The following THRB variants were observed in gnomAD, a reference collection of about 807,000 sequenced individuals.
THRB encodes nuclear receptor subfamily 1 group A member 2.
THRB carries 12 observed loss-of-function variants against 47.8 expected under a neutral mutation model. The ratio of observed to expected loss-of-function variants is 0.25; its 90% CI spans 0.16 to 0.41. The LOEUF is 0.41. Among genes scored for constraint, THRB ranks in the 10% least tolerant of loss-of-function variants. The pLI is 1.00. For synonymous variants in THRB, 218 were observed against 212.2 expected (o/e 1.03, Z -0.24); for missense variants, 348 against 589.2 (o/e 0.59, Z 4.24).
chr3:24,229,804 T>C (rs969300431), intron 3 of THRB, among the ~76,000 whole-genome samples: 2 of 152,234 alleles, frequency 1.3e-5, no homozygotes, highest in Non-Finnish European at 2.9e-5. Flanking sequence ...GAGTGTGTTC[T>C]GTGGCCAGTG....
chr3:24,291,579 T>C (rs1337608905), intron 3 of THRB, among the ~76,000 whole-genome samples: 1 of 152,206 alleles, frequency 6.6e-6, no homozygotes, highest in Non-Finnish European at 1.5e-5. Flanking sequence ...GCAATGTAAA[T>C]GCTATGTAAA....
intron 1 of THRB, among the ~76,000 whole-genome samples, chr3:24,461,769 T>C (rs565741750): frequency 1.3e-5 from 2 of 152,318 alleles, no homozygotes; most frequent in East Asian, 3.9e-4. Context: ...TCATACAGCA[T>C]GCAAAAATAA....
At chr3:24,324,775 T>A (rs937191145) in intron 2 of THRB, among the ~76,000 whole-genome samples, 1 of 152,190 alleles carries the variant, frequency 6.6e-6, no homozygotes, top group Non-Finnish European at 1.5e-5. Context: ...GTCCATGTAA[T>A]CTGTTGGTTG....
At chr3:24,134,492 C>A (rs1183288873) in intron 8 of THRB, among the ~76,000 whole-genome samples, 1 of 152,132 alleles carries the variant, frequency 6.6e-6, no homozygotes, top group African/African-American at 2.4e-5. Context: ...CATTCAAATC[C>A]TGATTCGCAG....
intron 2 of THRB, among the ~76,000 whole-genome samples, chr3:24,308,339 A>C (rs1346162725): frequency 6.6e-6 from 1 of 152,222 alleles, no homozygotes; most frequent in African/African-American, 2.4e-5. Flanking sequence ...AATTCTATGA[A>C]AGAATTAGGG....
chr3:24,214,982 A>G (rs2046415508), intron 4 of THRB, among the ~76,000 whole-genome samples: 1 of 152,254 alleles, frequency 6.6e-6, no homozygotes, highest in Admixed American at 6.5e-5. Context: ...AACAGGAACA[A>G]TGGAAACATT....
At chr3:24,224,109 AG>A (rs987674942) in intron 4 of THRB, among the ~76,000 whole-genome samples, 10 of 152,230 alleles carry the variant, frequency 6.6e-5, no homozygotes, top group Non-Finnish European at 1.5e-4. Context: ...ATGTGAAAAC[AG>A]AAAAAGTTTT....
rs572431557 is a variant in THRB, at chr3:24,120,178, G to C, written c.*2706C>G. Reference sequence around the variant, plus strand: ...TTCAGAAGGAAGGAGTTTAGTTTCAGAGTCATTATCTTTTGAGTCCTATGG... The same window carrying C: ...TTCAGAAGGAAGGAGTTTAGTTTCACAGTCATTATCTTTTGAGTCCTATGG... On this transcript the variant is annotated 3_prime_UTR_variant, in exon 11 of 11. Coordinates refer to ENST00000646209, the MANE Select transcript of THRB (RefSeq NM_001354712.2). 1 of 152,284 alleles carries C rather than the reference G, an allele frequency of 6.6e-6. No individual in the cohort carries two copies. The highest frequency in any genetic ancestry group is 2.1e-4 in the South Asian group (1 of 4,810). The allele number at this position is 152,284 out of a possible 1,614,324, so 9.4% of individuals were successfully genotyped here. A position where few individuals can be genotyped will look rare whatever the true frequency, so the allele number is the denominator to read the frequency against.
chr3:24,411,231 A>G (rs116693394), intron 1 of THRB, among the ~76,000 whole-genome samples: 2,343 of 151,934 alleles, frequency 0.015, 56 homozygotes, highest in African/African-American at 0.053. Context: ...TCATAGAATG[A>G]CGGTCTTAAA....
chr3:24,198,016 T>G (rs1298522837), intron 4 of THRB, among the ~76,000 whole-genome samples: 1 of 152,212 alleles, frequency 6.6e-6, no homozygotes, highest in Non-Finnish European at 1.5e-5. Context: ...ACATCTGGGA[T>G]GGGGTGAGCT....
At chr3:24,488,909 T>C (rs1697714303) in intron 1 of THRB, among the ~76,000 whole-genome samples, 1 of 152,170 alleles carries the variant, frequency 6.6e-6, no homozygotes, top group Admixed American at 6.5e-5. Flanking sequence ...AAATAAAAAA[T>C]ATTGCTTCTT....
Position 24,228,968 on chromosome 3 carries a change from A to C in THRB, c.-9T>G. The C allele has an allele frequency of 6.2e-7, 1 of 1,612,272 alleles. No individual in the cohort carries two copies. The highest frequency in any genetic ancestry group is 1.1e-5 in the South Asian group (1 of 90,910). ...ATACTGTTGGGAGTCATAGGTTAGT[A>C]ATCATTCTGGATCCCTTTTTTCACT... is the stretch of plus-strand genomic sequence containing the variant. On this transcript the variant is annotated 5_prime_UTR_variant, in exon 4 of 11. It adds an upstream start codon to the 5' untranslated region. Coordinates refer to ENST00000646209, the MANE Select transcript of THRB (RefSeq NM_001354712.2).
chr3:24,339,694 A>G (rs557571730), intron 1 of THRB, among the ~76,000 whole-genome samples: 20 of 152,264 alleles, frequency 1.3e-4, no homozygotes, highest in African/African-American at 4.6e-4. Context: ...TTTCCCAGTG[A>G]TGAAGGAAAT....
At chr3:24,144,168 G>A (rs2035801611) in intron 7 of THRB, 1 of 192,218 alleles carries the variant, frequency 5.2e-6, no homozygotes, top group Non-Finnish European at 1.1e-5. Flanking sequence ...ATTAAAAAAA[G>A]AAACGTTATG....
At chr3:24,460,676 G>A (rs1196507547) in intron 1 of THRB, among the ~76,000 whole-genome samples, 1 of 152,110 alleles carries the variant, frequency 6.6e-6, no homozygotes, top group African/African-American at 2.4e-5. Flanking sequence ...TGAGTGTCAG[G>A]TACTAAAACT....
intron 5 of THRB, among the ~76,000 whole-genome samples, chr3:24,176,160 G>A (rs940902227): frequency 1.3e-5 from 2 of 151,862 alleles, no homozygotes; most frequent in East Asian, 1.9e-4. Context: ...AATGCTCTTC[G>A]ATATTTTGTT....
intron 1 of THRB, among the ~76,000 whole-genome samples, chr3:24,377,491 G>A (rs1000505666): frequency 3.9e-5 from 6 of 152,140 alleles, no homozygotes; most frequent in Non-Finnish European, 8.8e-5. Flanking sequence ...TCTGTTCTAG[G>A]GATGGGGAAA....
At chr3:24,185,333 C>G (rs1383152995) in intron 5 of THRB, among the ~76,000 whole-genome samples, 2 of 152,268 alleles carry the variant, frequency 1.3e-5, no homozygotes, top group East Asian at 3.9e-4. Flanking sequence ...ATAAAAAATA[C>G]ACATGCACAG....
At chr3:24,220,198 G>T (rs1402173550) in intron 4 of THRB, among the ~76,000 whole-genome samples, 1 of 152,058 alleles carries the variant, frequency 6.6e-6, no homozygotes, top group African/African-American at 2.4e-5. Flanking sequence ...ACTTTAAAAA[G>T]CTCCTAGAGT....
Sources: gnomAD v4.1 joint callset for allele counts (sites outside exome capture counted in the v4.1 genomes callset) on GRCh38, gnomAD v4.1.1 for gene constraint, MANE v1.5 for transcripts, NCBI Gene and HGNC (gene_info 2026-07-23, HGNC 2026-07-21) for gene names.